The following PALB2 variants were observed in gnomAD, a reference collection of about 807,000 sequenced individuals.
The protein encoded by PALB2 is partner and localizer of BRCA2, also known as mutant partner and localizer of BRCA2.
Under a neutral mutation model 107.4 loss-of-function variants are expected in PALB2, and 82 were observed. The ratio of observed to expected loss-of-function variants is 0.76; its 90% CI spans 0.64 to 0.92. The LOEUF (loss-of-function observed/expected upper bound fraction) is 0.92, where lower values mean the gene tolerates loss of function less well. Among genes scored for constraint, PALB2 ranks in the 40% least tolerant of loss-of-function variants. The pLI is 0.00. For synonymous variants in PALB2, 489 were observed against 496.8 expected (o/e 0.98, Z 0.21); for missense variants, 1,374 against 1,379.9 (o/e 1.00, Z 0.07).
intron 11 of PALB2, among the ~76,000 whole-genome samples, chr16:23,613,103 A>AGGCG (rs1353197462): frequency 6.6e-6 from 1 of 152,072 alleles, no homozygotes; most frequent in African/African-American, 2.4e-5. Flanking sequence ...ATAATGATCA[A>AGGCG]GGCGGGGTAT....
At chr16:23,619,669 T>C (rs1048914838) in intron 10 of PALB2, among the ~76,000 whole-genome samples, 6 of 152,228 alleles carry the variant, frequency 3.9e-5, no homozygotes, top group Non-Finnish European at 8.8e-5. Context: ...ACTGATGTTT[T>C]TTCTTTTTAA....
At chr16:23,606,363 C>T (rs955153687) in intron 12 of PALB2, among the ~76,000 whole-genome samples, 5 of 151,522 alleles carry the variant, frequency 3.3e-5, no homozygotes, top group Admixed American at 6.6e-5. Flanking sequence ...TGAGATCGTG[C>T]CACTGCACTC....
At position 23,629,873 on chromosome 16, in the gene PALB2, C is replaced by A. The variant is rs2142376559; in HGVS notation, c.2281G>T (p.Ala761Ser). 1.9e-6 allele frequency: 3 copies of A among 1,614,116 alleles called. No individual in the cohort carries two copies. The highest frequency in any genetic ancestry group is 2.5e-6 in the Non-Finnish European group (3 of 1,180,032). ...AGACAGACTGAGTCTTTCAAATGAG[C>A]AAGTTGGGGTGTGCAGCAAGTTCGT... ...AGRTCCTPQL[A>S]HLKDSVCLAS... is the part of the protein sequence containing the mutation. The change falls in exon 5 of 13, where the codon GCT (alanine) becomes TCT (serine). Residue 761 changes from alanine (A) to serine (S), a missense_variant. Transcript: ENST00000261584.
intron 12 of PALB2, 60 bp downstream of exon 12, chr16:23,607,804 G>T (rs2142270391): frequency 1.3e-6 from 2 of 1,582,792 alleles, no homozygotes; most frequent in Non-Finnish European, 1.7e-6. Flanking sequence ...TCTAGTTTTT[G>T]TGTTTGCACA....
chr16:23,628,471 A>G (rs935864584), intron 6 of PALB2, among the ~76,000 whole-genome samples: 5 of 152,150 alleles, frequency 3.3e-5, no homozygotes, highest in African/African-American at 1.2e-4. Context: ...TAGGACATTT[A>G]GTAATGCAAC....
intron 11 of PALB2, among the ~76,000 whole-genome samples, chr16:23,609,488 A>G (rs1308885052): frequency 6.6e-6 from 1 of 152,192 alleles, no homozygotes; most frequent in African/African-American, 2.4e-5. Flanking sequence ...AGAGGCTGAC[A>G]AACTATGGCC....
chr16:23,610,319 T>A lies in PALB2; in HGVS notation c.3202-2307A>T, dbSNP rs531822304. Among the ~76,000 whole-genome samples the A allele has an allele frequency of 5.9e-5, 9 of 151,716 alleles. No individual in the cohort carries two copies. The South Asian group carries it at 8.4e-4, about 14-fold the overall frequency. ...AATACAATGTTATTTCTTTTTTTTTTTTTTTTTTGAGACAGAGACTTGCTT... is the reference window on the plus strand; with the variant it reads ...AATACAATGTTATTTCTTTTTTTTTATTTTTTTTGAGACAGAGACTTGCTT... On this transcript the variant is annotated intron_variant, in intron 11 of 12. Transcript: ENST00000261584.
At chr16:23,614,329 C>T (rs546202850) in intron 10 of PALB2, among the ~76,000 whole-genome samples, 2 of 152,256 alleles carry the variant, frequency 1.3e-5, no homozygotes, top group Non-Finnish European at 2.9e-5. Flanking sequence ...GGATAAATCT[C>T]TCCAAATTCC....
chr16:23,634,839 T>A (rs1379689300), intron 4 of PALB2, 23 bp downstream of exon 4: 1 of 1,603,616 alleles, frequency 6.2e-7, no homozygotes, highest in African/African-American at 1.3e-5. Context: ...ATCATCATCA[T>A]CATCAAACAC....
chr16:23,604,496 G>A (rs571294121), intron 12 of PALB2, among the ~76,000 whole-genome samples: 3 of 152,368 alleles, frequency 2.0e-5, no homozygotes, highest in African/African-American at 7.2e-5. Context: ...GCCGGGTGTG[G>A]TGGCTCACGC....
chr16:23,603,390 A>T lies in PALB2; in HGVS notation c.*69T>A, dbSNP rs1035170652. 3.1e-6 allele frequency: 4 copies of T among 1,304,416 alleles called. No homozygotes were observed. The highest frequency in any genetic ancestry group is 2.3e-4 in the Middle Eastern group (1 of 4,418). 80.8% of individuals were successfully genotyped at this position (1,304,416 alleles called of 1,614,324 possible). ...GTGTCATTCAGATATTCTCCTTTAT[A>T]TTTAAAACTCCAAAAAATACTAAGA... On this transcript the variant is annotated 3_prime_UTR_variant, in exon 13 of 13. Coordinates refer to ENST00000261584, the MANE Select transcript of PALB2 (RefSeq NM_024675.4).
chr16:23,624,585 C>T (rs141738046), intron 7 of PALB2, among the ~76,000 whole-genome samples: 1 of 152,318 alleles, frequency 6.6e-6, no homozygotes, highest in African/African-American at 2.4e-5. Flanking sequence ...ACAATCTCAG[C>T]TCATTGCAAC....
In PALB2 at chr16:23,609,694, C is replaced by T. The variant is rs373993821; in HGVS notation, c.3202-1682G>A. Among the ~76,000 whole-genome samples, 36 of 151,692 alleles carry T rather than the reference C, an allele frequency of 2.4e-4. No individual in the cohort carries two copies. In the East Asian group the frequency reaches 4.3e-3, roughly 18 times the overall value. On this transcript the variant is annotated intron_variant, in intron 11 of 12. Transcript: ENST00000261584. ...CACCACGCCCGGCTAATTTTTTGTA[C>T]TTTTAGTAGAGCGGGGTTTCACTGT...
Position 23,640,804 on chromosome 16 carries a change from G to T in PALB2, c.48+306C>A, listed in dbSNP as rs142098064. On this transcript the variant is annotated intron_variant, in intron 1 of 12. Coordinates refer to ENST00000261584, the MANE Select transcript of PALB2 (RefSeq NM_024675.4). ...TAAAAGATTTACTTGAGGCCGTCCGGGGGGAGAAGTAAAGATTGAGGGTGT... is the reference window on the plus strand; with the variant it reads ...TAAAAGATTTACTTGAGGCCGTCCGTGGGGAGAAGTAAAGATTGAGGGTGT... The T allele has an allele frequency of 5.6e-3, 1,953 of 347,990 alleles. 11 individuals carry two copies. The highest frequency in any genetic ancestry group is 7.4e-3 in the Admixed American group (166 of 22,580). The allele number at this position is 347,990 out of a possible 1,614,324, so 21.6% of individuals were successfully genotyped here. A position where few individuals can be genotyped will look rare whatever the true frequency, so the allele number is the denominator to read the frequency against.
At chr16:23,618,776 G>A (rs1332024463) in intron 10 of PALB2, among the ~76,000 whole-genome samples, 1 of 152,144 alleles carries the variant, frequency 6.6e-6, no homozygotes, top group Non-Finnish European at 1.5e-5. Context: ...TAATGAAGGT[G>A]TGGACTATGG....
In PALB2 at chr16:23,636,288, G is replaced by C. The variant is rs2142447498; in HGVS notation, c.258C>G (p.Thr86=). The C allele has an allele frequency of 6.2e-7, 1 of 1,613,130 alleles. No homozygotes were observed. The highest frequency in any genetic ancestry group is 8.5e-7 in the Non-Finnish European group (1 of 1,179,578). Reference sequence around the variant, plus strand: ...TTTCTCCAGTTTCTTCATCAAGATGGGTTTTGATGTGTAACTTGTCATAAA... The same window carrying C: ...TTTCTCCAGTTTCTTCATCAAGATGCGTTTTGATGTGTAACTTGTCATAAA... ...ICVYDKLHIK[T]HLDEETGEKT... Residue 86 remains threonine (T), a synonymous_variant, in exon 4 of 13, where the codon ACC becomes ACG. Transcript: ENST00000261584.
At chr16:23,621,014 A>G (rs1326331594) in intron 10 of PALB2, among the ~76,000 whole-genome samples, 2 of 152,104 alleles carry the variant, frequency 1.3e-5, no homozygotes, top group Non-Finnish European at 2.9e-5. Context: ...TTCAAGACCA[A>G]CCTGGCCAAC....
intron 11 of PALB2, among the ~76,000 whole-genome samples, chr16:23,612,331 G>A (rs766011828): frequency 6.6e-6 from 1 of 151,576 alleles, no homozygotes; most frequent in Non-Finnish European, 1.5e-5. Flanking sequence ...AATTCTTCCT[G>A]CCTCAGCCTC....
rs757860709 is a variant in PALB2 at position 23,636,100 on chromosome 16, TTC to T, written c.444_445del (p.Lys149AlafsTer18). 2 of 1,613,934 alleles carry T rather than the reference TTC, an allele frequency of 1.2e-6. No homozygotes were observed. The highest frequency in any genetic ancestry group is 1.7e-6 in the Non-Finnish European group (2 of 1,179,978). On this transcript the variant is annotated frameshift_variant, in exon 4 of 13. Coordinates refer to ENST00000261584, the MANE Select transcript of PALB2 (RefSeq NM_024675.4). LOFTEE classifies it high-confidence loss of function. ...TGAAATAAATGTCCTCTTCTGCTGC[TTC>T]TTTCTTCTGCTTGGCAGCTTCTGCT...
Sources: allele counts gnomAD v4.1 joint callset (sites outside exome capture counted in the v4.1 genomes callset), GRCh38; gene constraint gnomAD v4.1.1; transcripts MANE v1.5; gene names NCBI Gene and HGNC (gene_info 2026-07-23, HGNC 2026-07-21).